The following FAM120A variants were observed in gnomAD, a reference collection of about 807,000 sequenced individuals.
FAM120A encodes family with sequence similarity 120 member A, also known as constitutive coactivator of PPAR-gamma-like protein 1.
Under a neutral mutation model 109.7 loss-of-function variants are expected in FAM120A, and 15 were observed. That is an observed-to-expected ratio of 0.14 (90% CI 0.09 to 0.21). FAM120A has a LOEUF of 0.21. Ranked by LOEUF, FAM120A falls within the 10% of genes least tolerant of loss-of-function variation. The pLI is 1.00. For synonymous variants in FAM120A, 493 were observed against 572.8 expected (o/e 0.86, Z 1.99); for missense variants, 899 against 1,439.3 (o/e 0.62, Z 6.07).
chr9:93,554,612 G>T (rs1460253478), intron 12 of FAM120A, among the ~76,000 whole-genome samples: 1 of 152,138 alleles, frequency 6.6e-6, no homozygotes, highest in East Asian at 1.9e-4. Flanking sequence ...GGCAGAGGTT[G>T]CAGTGAGCCA....
chr9:93,487,262 A>G (rs545521961), intron 3 of FAM120A, among the ~76,000 whole-genome samples: 1 of 152,204 alleles, frequency 6.6e-6, no homozygotes, highest in East Asian at 1.9e-4. Flanking sequence ...TCTAGGTTCA[A>G]GCAATTCTTC....
intron 7 of FAM120A, among the ~76,000 whole-genome samples, chr9:93,520,714 T>C (rs770208078): frequency 6.6e-6 from 1 of 152,176 alleles, no homozygotes; most frequent in Non-Finnish European, 1.5e-5. Flanking sequence ...GGAACAGATG[T>C]GTGTGCCCCC....
intron 3 of FAM120A, among the ~76,000 whole-genome samples, chr9:93,477,593 T>C (rs937786416): frequency 4.6e-5 from 7 of 152,242 alleles, no homozygotes; most frequent in African/African-American, 1.7e-4. Context: ...TGTAATCAGC[T>C]GGACTTAAGA....
At chr9:93,561,293 A>G (rs948769733) in intron 16 of FAM120A, 43 bp downstream of exon 16, 3 of 1,550,308 alleles carry the variant, frequency 1.9e-6, no homozygotes, top group Non-Finnish European at 2.6e-6. Context: ...TAAGTAAAGA[A>G]AACAGCTTCT....
chr9:93,505,078 T>TTTTA (rs1859980576), intron 5 of FAM120A, among the ~76,000 whole-genome samples: 1 of 116,540 alleles, frequency 8.6e-6, no homozygotes, highest in African/African-American at 3.4e-5. Flanking sequence ...TTTTTTTTTT[T>TTTTA]GAGAAGGAGT....
chr9:93,516,453 T>G (rs576962114), intron 7 of FAM120A, among the ~76,000 whole-genome samples, 184 bp downstream of exon 7: 1 of 152,262 alleles, frequency 6.6e-6, no homozygotes, highest in East Asian at 1.9e-4. Flanking sequence ...GTAGGTATGT[T>G]CTTGAAGTTT....
intron 3 of FAM120A, among the ~76,000 whole-genome samples, chr9:93,492,553 G>A (rs561737089): frequency 2.7e-4 from 41 of 152,226 alleles, no homozygotes; most frequent in African/African-American, 9.9e-4. Context: ...CTGACCCTAA[G>A]GATTAAAGAA....
intron 3 of FAM120A, among the ~76,000 whole-genome samples, chr9:93,480,775 T>A (rs1858765534): frequency 6.6e-6 from 1 of 152,182 alleles, no homozygotes; most frequent in Non-Finnish European, 1.5e-5. Flanking sequence ...AATGTGTTTT[T>A]GGACTCAGTG....
chr9:93,516,542 A>G (rs1292365011), intron 7 of FAM120A, among the ~76,000 whole-genome samples: 1 of 152,078 alleles, frequency 6.6e-6, no homozygotes, highest in Non-Finnish European at 1.5e-5. Context: ...TTTGACAAGA[A>G]CTGGTTTGTG....
At chr9:93,534,011 G>A (rs374852162) in intron 10 of FAM120A, among the ~76,000 whole-genome samples, 13 of 152,164 alleles carry the variant, frequency 8.5e-5, no homozygotes, top group African/African-American at 2.9e-4. Context: ...CCCCTCCAGT[G>A]TTGGGCCATT....
chr9:93,562,398 G>C (rs549795047), intron 17 of FAM120A, 94 bp downstream of exon 17: 1 of 888,576 alleles, frequency 1.1e-6, no homozygotes, highest in African/African-American at 1.7e-5. Flanking sequence ...TCAGACAGAA[G>C]AGCTGTGAGG....
chr9:93,467,528 C>A (rs1023100610), intron 1 of FAM120A, among the ~76,000 whole-genome samples: 2 of 152,038 alleles, frequency 1.3e-5, no homozygotes, highest in Non-Finnish European at 2.9e-5. Context: ...TTCCCTCCCC[C>A]CGACCCTCTT....
At chr9:93,548,471 G>A (rs1861973342) in intron 11 of FAM120A, among the ~76,000 whole-genome samples, 1 of 152,114 alleles carries the variant, frequency 6.6e-6, no homozygotes, top group African/African-American at 2.4e-5. Flanking sequence ...TTTCAGTCTG[G>A]GAAGATGAAA....
intron 5 of FAM120A, among the ~76,000 whole-genome samples, chr9:93,512,930 A>G (rs1463683138): frequency 6.6e-6 from 1 of 152,192 alleles, no homozygotes; most frequent in African/African-American, 2.4e-5. Flanking sequence ...TTATGCTGTA[A>G]TGTAGTTTGT....
chr9:93,456,237 A>G (rs1412268620), intron 1 of FAM120A, among the ~76,000 whole-genome samples: 1 of 152,176 alleles, frequency 6.6e-6, no homozygotes, highest in Non-Finnish European at 1.5e-5. Flanking sequence ...ACTTCAGTGA[A>G]TGACTTATGT....
At chr9:93,549,594 C>G (rs181520083) in intron 11 of FAM120A, among the ~76,000 whole-genome samples, 11 of 152,306 alleles carry the variant, frequency 7.2e-5, no homozygotes, top group Admixed American at 6.5e-4. Context: ...TTTGTTAACT[C>G]AGATTTTAAG....
chr9:93,533,969 T>G (rs1301755675), intron 10 of FAM120A, among the ~76,000 whole-genome samples: 1 of 152,248 alleles, frequency 6.6e-6, no homozygotes, highest in East Asian at 1.9e-4. Flanking sequence ...GCTTCTGTGC[T>G]GTCCCGTGGA....
At chr9:93,516,366 A>T in intron 7 of FAM120A, 97 bp downstream of exon 7, 1 of 1,545,902 alleles carries the variant, frequency 6.5e-7, no homozygotes, top group Non-Finnish European at 8.8e-7. Flanking sequence ...TTGCTCAGAG[A>T]TGTAGTTTAT....
At chr9:93,523,439 C>G (rs1384292807) in intron 7 of FAM120A, 1 of 549,406 alleles carries the variant, frequency 1.8e-6, no homozygotes, top group East Asian at 8.3e-5. Flanking sequence ...TGCTCTTGTT[C>G]CAGACAGATA....
Sources: gnomAD v4.1 joint callset for allele counts (sites outside exome capture counted in the v4.1 genomes callset) on GRCh38, gnomAD v4.1.1 for gene constraint, MANE v1.5 for transcripts, NCBI Gene and HGNC (gene_info 2026-07-23, HGNC 2026-07-21) for gene names.